The following MALRD1 variants were observed in gnomAD, a reference collection of about 807,000 sequenced individuals.
MALRD1 encodes MAM and LDL-receptor class A domain-containing protein 1.
Under a neutral mutation model 242.1 loss-of-function variants are expected in MALRD1, and 247 were observed. The ratio of observed to expected loss-of-function variants is 1.02; its 90% CI spans 0.92 to 1.13. The LOEUF (loss-of-function observed/expected upper bound fraction) is 1.13. MALRD1 is among the 50% of genes most tolerant of loss of function. MALRD1 has a pLI of 0.00. For synonymous variants in MALRD1, 995 were observed against 866.6 expected (o/e 1.15, Z -2.60); for missense variants, 2,989 against 2,533.1 (o/e 1.18, Z -3.86).
intron 32 of MALRD1, among the ~76,000 whole-genome samples, chr10:19,566,195 C>T (rs2131457237): frequency 6.6e-6 from 1 of 152,038 alleles, no homozygotes; most frequent in East Asian, 1.9e-4. Context: ...GTGGCATGAT[C>T]TCCTCTCACT....
At position 19,267,943 on chromosome 10, in the gene MALRD1, A is replaced by C. The variant is rs559119335; in HGVS notation, c.3079+10172A>C. Reference sequence around the variant, plus strand: ...GAAAAATTTGACCAAAGTCTGCGATATGTTCAATTAACAGTTTTATTGTGT... The same window carrying C: ...GAAAAATTTGACCAAAGTCTGCGATCTGTTCAATTAACAGTTTTATTGTGT... On this transcript the variant is annotated intron_variant, in intron 19 of 39. Transcript: ENST00000454679. Among the ~76,000 whole-genome samples, 116 of 152,300 alleles carry C rather than the reference A, an allele frequency of 7.6e-4. 1 individual carries two copies. The highest frequency in any genetic ancestry group is 2.6e-3 in the African/African-American group (108 of 41,578).
At chr10:19,624,594 G>A (rs1286947030) in intron 36 of MALRD1, among the ~76,000 whole-genome samples, 4 of 152,028 alleles carry the variant, frequency 2.6e-5, no homozygotes, top group Non-Finnish European at 5.9e-5. Context: ...GGCCAGGCAT[G>A]GTGGCTCACA....
chr10:19,106,725 G>A (rs569781245), intron 5 of MALRD1, among the ~76,000 whole-genome samples: 1 of 151,718 alleles, frequency 6.6e-6, no homozygotes, highest in Non-Finnish European at 1.5e-5. Flanking sequence ...GTACACATTA[G>A]GTTGTTTGAG....
chr10:19,175,437 T>C (rs1564444195), intron 14 of MALRD1, 109 bp downstream of exon 14: 1 of 632,712 alleles, frequency 1.6e-6, no homozygotes, highest in Non-Finnish European at 2.1e-6. Context: ...AGGGTGTGGA[T>C]TATATCACCT....
intron 29 of MALRD1, among the ~76,000 whole-genome samples, chr10:19,454,431 T>TATATATATATATATATACATAC (rs1011890675): frequency 3.7e-5 from 5 of 136,684 alleles, no homozygotes; most frequent in African/African-American, 1.3e-4. Context: ...TATATATATA[T>TATATATATATATATATACATAC]AATTATATGA....
At chr10:19,152,652 G>A (rs1398642011) in intron 11 of MALRD1, among the ~76,000 whole-genome samples, 2 of 151,962 alleles carry the variant, frequency 1.3e-5, no homozygotes, top group Non-Finnish European at 2.9e-5. Context: ...GATAAGATAA[G>A]TAATTGTGTA....
In MALRD1 at chr10:19,123,613, A is replaced by G. The variant is rs1188058156; in HGVS notation, c.796+20A>G. 1 of 1,203,572 alleles carries G rather than the reference A, an allele frequency of 8.3e-7. No individual in the cohort carries two copies. Among genetic ancestry groups the G allele is most frequent in the East Asian group, 3.2e-5 (1 of 31,570 alleles). 74.6% of individuals were successfully genotyped at this position (1,203,572 alleles called of 1,614,324 possible). A position where few individuals can be genotyped will look rare whatever the true frequency, so the allele number is the denominator to read the frequency against. ...TGAGATGTAAGTGTTAAATTGAGAT[A>G]TTCACTTTTCTGGTATATATGCAAT... On this transcript the variant is annotated intron_variant, in intron 6 of 39. Coordinates refer to ENST00000454679, the MANE Select transcript of MALRD1 (RefSeq NM_001142308.3).
At chr10:19,555,162 G>A (rs375612864) in intron 32 of MALRD1, among the ~76,000 whole-genome samples, 1 of 151,936 alleles carries the variant, frequency 6.6e-6, no homozygotes, top group African/African-American at 2.4e-5. Context: ...AGCTCATGTG[G>A]CCAGGCTTCT....
intron 2 of MALRD1, among the ~76,000 whole-genome samples, chr10:19,085,055 G>A (rs866089957): frequency 3.3e-5 from 5 of 151,920 alleles, no homozygotes; most frequent in Admixed American, 6.6e-5. Flanking sequence ...GTGTTTGCAT[G>A]TGGTATGTGT....
At chr10:19,261,476 C>T (rs11009168) in intron 19 of MALRD1, among the ~76,000 whole-genome samples, 10,608 of 149,408 alleles carry the variant, frequency 0.071, 434 homozygotes, top group East Asian at 0.17. Flanking sequence ...ACTCTTGATG[C>T]TTTCCAGTCA....
At chr10:19,384,654 ATAATATT>A (rs1303127907) in intron 26 of MALRD1, among the ~76,000 whole-genome samples, 1 of 134,288 alleles carries the variant, frequency 7.4e-6, no homozygotes, top group Non-Finnish European at 1.5e-5. Flanking sequence ...TATATATAAT[ATAATATT>A]TACTATATAT....
At chr10:19,612,967 C>T (rs1838968519) in intron 35 of MALRD1, among the ~76,000 whole-genome samples, 1 of 152,016 alleles carries the variant, frequency 6.6e-6, no homozygotes, top group Admixed American at 6.6e-5. Flanking sequence ...GCTTAACAGG[C>T]TACTCTCTCA....
rs66882231 is a variant in MALRD1 at position 19,575,483 on chromosome 10, TCACACACACACACACA to T, written c.5680+7795_5680+7810del. Among the ~76,000 whole-genome samples the T allele has an allele frequency of 4.0e-5, 6 of 148,560 alleles. 1 individual carries two copies. In the South Asian group the frequency reaches 6.5e-4, roughly 16 times the overall value. On this transcript the variant is annotated intron_variant, in intron 33 of 39. Coordinates refer to ENST00000454679, the MANE Select transcript of MALRD1 (RefSeq NM_001142308.3). ...GTGGAATGAAAGTAAAGGCCATGGTTCACACACACACACACACACACACACACACAAACACACACTT... is the reference window on the plus strand; with the variant it reads ...GTGGAATGAAAGTAAAGGCCATGGTTCACACACACACACAAACACACACTT...
At chr10:19,244,441 C>A (rs1838949057) in intron 18 of MALRD1, among the ~76,000 whole-genome samples, 2 of 152,010 alleles carry the variant, frequency 1.3e-5, no homozygotes, top group Non-Finnish European at 2.9e-5. Context: ...TATGGTGGCA[C>A]ATGCCTGTGG....
intron 36 of MALRD1, among the ~76,000 whole-genome samples, chr10:19,674,250 A>G (rs1402716366): frequency 6.6e-6 from 1 of 152,246 alleles, no homozygotes; most frequent in Admixed American, 6.5e-5. Flanking sequence ...GCCAGAAAAC[A>G]CATGGTTTGA....
At chr10:19,351,908 C>T in intron 25 of MALRD1, 98 bp from the exon 26 acceptor site, 4 of 1,125,084 alleles carry the variant, frequency 3.6e-6, no homozygotes, top group Non-Finnish European at 4.9e-6. Context: ...CTCCAGAAAT[C>T]TGTTAATAAA....
At chr10:19,160,165 C>G (rs1834336628) in intron 12 of MALRD1, among the ~76,000 whole-genome samples, 1 of 152,158 alleles carries the variant, frequency 6.6e-6, no homozygotes, top group Admixed American at 6.5e-5. Flanking sequence ...AGGCATGCGT[C>G]AAGAAAATTT....
chr10:19,109,718 C>T (rs1168890796), intron 5 of MALRD1, among the ~76,000 whole-genome samples: 1 of 152,168 alleles, frequency 6.6e-6, no homozygotes, highest in Non-Finnish European at 1.5e-5. Flanking sequence ...CTACTGGATC[C>T]CAGAGAAAGA....
At chr10:19,174,050 C>G (rs1281123526) in intron 13 of MALRD1, among the ~76,000 whole-genome samples, 1 of 152,116 alleles carries the variant, frequency 6.6e-6, no homozygotes, top group African/African-American at 2.4e-5. Context: ...AGGGAAAACT[C>G]TCTATGTTTA....
Sources: gnomAD v4.1 joint callset for allele counts (sites outside exome capture counted in the v4.1 genomes callset) on GRCh38, gnomAD v4.1.1 for gene constraint, MANE v1.5 for transcripts, NCBI Gene and HGNC (gene_info 2026-07-23, HGNC 2026-07-21) for gene names.